Variants in CDH13 observed in about 807,000 individuals in gnomAD.
The protein encoded by CDH13 is cadherin-13.
A neutral mutation model predicts 63.8 loss-of-function variants in CDH13; 24 were observed. The ratio of observed to expected loss-of-function variants is 0.38; its 90% CI spans 0.27 to 0.53. The LOEUF (loss-of-function observed/expected upper bound fraction) is 0.53. Among genes scored for constraint, CDH13 ranks in the 20% least tolerant of loss-of-function variants. CDH13 has a pLI of 0.85. For missense variants in CDH13, 1,049 were observed against 903.1 expected (o/e 1.16, Z -2.07); for synonymous variants, 503 against 355.3 (o/e 1.42, Z -4.67).
intron 11 of CDH13, among the ~76,000 whole-genome samples, chr16:83,773,344 T>C (rs1183693374): frequency 1.3e-5 from 2 of 152,184 alleles, no homozygotes; most frequent in African/African-American, 4.8e-5. Flanking sequence ...CTGGGTAATT[T>C]ATAAAGGAAA....
intron 1 of CDH13, among the ~76,000 whole-genome samples, chr16:82,749,772 C>A (rs1380702734): frequency 6.6e-6 from 1 of 152,118 alleles, no homozygotes; most frequent in African/African-American, 2.4e-5. Flanking sequence ...TTCCTTCCTT[C>A]CTCACTTGTT....
At chr16:82,631,773 G>T (rs2150867858) in intron 1 of CDH13, among the ~76,000 whole-genome samples, 1 of 152,316 alleles carries the variant, frequency 6.6e-6, no homozygotes, top group South Asian at 2.1e-4. Flanking sequence ...GAGGCAGCTT[G>T]GGGGAAGGCA....
At chr16:82,673,431 T>G (rs1913532303) in intron 1 of CDH13, among the ~76,000 whole-genome samples, 1 of 152,160 alleles carries the variant, frequency 6.6e-6, no homozygotes, top group African/African-American at 2.4e-5. Context: ...CCTTGGGAAT[T>G]AAAATTTTTT....
At chr16:82,657,184 C>A (rs1447109651) in intron 1 of CDH13, among the ~76,000 whole-genome samples, 1 of 151,988 alleles carries the variant, frequency 6.6e-6, no homozygotes, top group African/African-American at 2.4e-5. Context: ...TGTTTTTTTC[C>A]TGTACATACC....
intron 1 of CDH13, among the ~76,000 whole-genome samples, chr16:82,751,497 C>T (rs115143555): frequency 9.9e-4 from 151 of 152,222 alleles, no homozygotes; most frequent in African/African-American, 3.5e-3. Flanking sequence ...TACAGCACCT[C>T]ATTGCAACTA....
chr16:83,534,134 T>C (rs1256082752), intron 7 of CDH13, among the ~76,000 whole-genome samples: 1 of 152,044 alleles, frequency 6.6e-6, no homozygotes, highest in Non-Finnish European at 1.5e-5. Flanking sequence ...CCATCCTCCA[T>C]CCCCCATGCC....
intron 6 of CDH13, among the ~76,000 whole-genome samples, chr16:83,362,828 A>C (rs949265997): frequency 1.3e-5 from 2 of 152,184 alleles, no homozygotes; most frequent in African/African-American, 4.8e-5. Context: ...TCCCCAGCCA[A>C]GGCTGTGCAT....
At chr16:83,182,988 AG>A (rs1404704481) in intron 4 of CDH13, among the ~76,000 whole-genome samples, 4 of 152,178 alleles carry the variant, frequency 2.6e-5, no homozygotes, top group Non-Finnish European at 4.4e-5. Context: ...ACAGTAAAAA[AG>A]AATAAAAAAT....
intron 6 of CDH13, among the ~76,000 whole-genome samples, chr16:83,444,130 GA>G (rs2072590150): frequency 7.0e-6 from 1 of 143,776 alleles, no homozygotes; most frequent in African/African-American, 2.5e-5. Context: ...TAGCAACAAT[GA>G]AGATGTGGCT....
At chr16:82,704,867 T>C (rs2031353382) in intron 1 of CDH13, among the ~76,000 whole-genome samples, 1 of 152,216 alleles carries the variant, frequency 6.6e-6, no homozygotes, top group Admixed American at 6.5e-5. Flanking sequence ...GAACCATGCT[T>C]AGCGTGAGCC....
At chr16:82,901,391 C>T (rs769008075) in intron 2 of CDH13, among the ~76,000 whole-genome samples, 4 of 144,286 alleles carry the variant, frequency 2.8e-5, no homozygotes, top group African/African-American at 7.8e-5. Context: ...TTCTTGGATA[C>T]TTAGGGTGCA....
At chr16:83,171,319 A>G (rs1162408463) in intron 4 of CDH13, among the ~76,000 whole-genome samples, 1 of 152,122 alleles carries the variant, frequency 6.6e-6, no homozygotes. Context: ...GAACAGCACC[A>G]AAGGGATGGT....
rs148731842 is a variant in CDH13, at chr16:83,251,920, A to G, written c.636+34423A>G. Among the ~76,000 whole-genome samples, 5 of 151,930 alleles carry G rather than the reference A, an allele frequency of 3.3e-5. No individual in the cohort carries two copies. The East Asian group carries it at 5.8e-4, about 18-fold the overall frequency. ...CCAAGCTGAGCTTTTTAAAAGTTTAATCTATAGCCCCTGAGGGAGTGCCTC... is the reference window on the plus strand; with the variant it reads ...CCAAGCTGAGCTTTTTAAAAGTTTAGTCTATAGCCCCTGAGGGAGTGCCTC... On this transcript the variant is annotated intron_variant, in intron 5 of 13. Transcript: ENST00000567109.
At chr16:83,434,314 C>T (rs1250134209) in intron 6 of CDH13, among the ~76,000 whole-genome samples, 1 of 152,200 alleles carries the variant, frequency 6.6e-6, no homozygotes, top group South Asian at 2.1e-4. Context: ...CTGCTCCATC[C>T]ACTGGCTAGA....
intron 2 of CDH13, among the ~76,000 whole-genome samples, chr16:82,975,144 A>G (rs1292508238): frequency 6.6e-6 from 1 of 152,220 alleles, no homozygotes; most frequent in Non-Finnish European, 1.5e-5. Context: ...AATTCCTTCC[A>G]ATAAAGTAGG....
At chr16:83,544,431 A>C (rs567295093) in intron 7 of CDH13, among the ~76,000 whole-genome samples, 1 of 152,274 alleles carries the variant, frequency 6.6e-6, no homozygotes, top group African/African-American at 2.4e-5. Flanking sequence ...TAAGTCAAAA[A>C]TGTATTTAAT....
At chr16:83,144,507 G>A (rs893197273) in intron 4 of CDH13, among the ~76,000 whole-genome samples, 3 of 152,156 alleles carry the variant, frequency 2.0e-5, no homozygotes, top group Non-Finnish European at 2.9e-5. Flanking sequence ...TAATCACCAC[G>A]AGACAAGGTG....
At chr16:82,947,235 G>A (rs1489434818) in intron 2 of CDH13, among the ~76,000 whole-genome samples, 3 of 152,018 alleles carry the variant, frequency 2.0e-5, no homozygotes, top group African/African-American at 7.2e-5. Flanking sequence ...TGCATCAGTT[G>A]GCAATTTGTA....
chr16:82,968,732 A>G (rs1009140098), intron 2 of CDH13, among the ~76,000 whole-genome samples: 5 of 152,188 alleles, frequency 3.3e-5, no homozygotes, highest in Non-Finnish European at 7.3e-5. Context: ...TTGTTCTAGC[A>G]TCAGTCATAT....
Sources: allele counts gnomAD v4.1 joint callset (sites outside exome capture counted in the v4.1 genomes callset), GRCh38; gene constraint gnomAD v4.1.1; transcripts MANE v1.5; gene names NCBI Gene and HGNC (gene_info 2026-07-23, HGNC 2026-07-21).